Variants in MAP3K7 observed in about 807,000 individuals in gnomAD.
MAP3K7 encodes the protein TGF-beta activated kinase 1.
A neutral mutation model predicts 84.8 loss-of-function variants in MAP3K7; 21 were observed. The ratio of observed to expected loss-of-function variants is 0.25; its 90% confidence interval spans 0.18 to 0.36. The LOEUF (loss-of-function observed/expected upper bound fraction) is 0.36, where lower values mean the gene tolerates loss of function less well. MAP3K7 is among the 10% of genes least tolerant of loss of function. The pLI, the probability that MAP3K7 is intolerant of heterozygous loss-of-function variation, is 1.00. For synonymous variants in MAP3K7, 241 were observed against 247.7 expected, an observed-to-expected ratio of 0.97 and a Z score of 0.25; for missense variants, 503 against 747.7, an observed-to-expected ratio of 0.67 and a Z score of 3.82.
In MAP3K7 at chr6:90,515,841, C is replaced by T. The variant is rs2088555998; in HGVS notation, c.*660G>A. ...GAGTTCCATTTTGTTCAATGTATCA[C>T]AATCAAATTTTAGTCTAACAAAATC... On this transcript the variant is annotated 3_prime_UTR_variant, in exon 17 of 17. Transcript: ENST00000369329. 1 of 152,168 alleles carries T rather than the reference C, an allele frequency of 6.6e-6. No homozygotes were observed. The highest frequency in any genetic ancestry group is 2.4e-5 in the African/African-American group (1 of 41,356). 9.4% of individuals were successfully genotyped at this position (152,168 alleles called of 1,614,324 possible). A position where few individuals can be genotyped will look rare whatever the true frequency, so the allele number is the denominator to read the frequency against.
intron 1 of MAP3K7, among the ~76,000 whole-genome samples, chr6:90,581,454 C>G (rs1777269396): frequency 6.6e-6 from 1 of 152,130 alleles, no homozygotes; most frequent in African/African-American, 2.4e-5. Context: ...GTTAGAACTT[C>G]AATATCTATT....
At chr6:90,562,836 T>C (rs565934165) in intron 3 of MAP3K7, among the ~76,000 whole-genome samples, 3 of 152,168 alleles carry the variant, frequency 2.0e-5, no homozygotes, top group East Asian at 1.9e-4. Flanking sequence ...TAGGGGCAGA[T>C]TGACACCTCA....
chr6:90,548,450 A>C (rs1776073965), intron 9 of MAP3K7, among the ~76,000 whole-genome samples: 1 of 152,178 alleles, frequency 6.6e-6, no homozygotes, highest in Non-Finnish European at 1.5e-5. Context: ...GAGGGCTATT[A>C]ATTGAGATGC....
chr6:90,516,821 T>C, intron 16 of MAP3K7, 140 bp from the exon 17 acceptor site: 1 of 608,654 alleles, frequency 1.6e-6, no homozygotes, highest in Non-Finnish European at 2.8e-6. Context: ...AATATAATTA[T>C]GGGCTGGGAT....
chr6:90,535,954 G>C (rs997610750), intron 13 of MAP3K7, among the ~76,000 whole-genome samples: 1 of 152,034 alleles, frequency 6.6e-6, no homozygotes, highest in Non-Finnish European at 1.5e-5. Flanking sequence ...AACTTATTGG[G>C]GAAATGTTTA....
At chr6:90,572,865 GTTAGAATAAAATCA>G (rs942121931) in intron 1 of MAP3K7, among the ~76,000 whole-genome samples, 1 of 152,032 alleles carries the variant, frequency 6.6e-6, no homozygotes, top group Non-Finnish European at 1.5e-5. Context: ...TTTGATACTT[GTTAGAATAAAATCA>G]TTAGATTTTA....
intron 1 of MAP3K7, among the ~76,000 whole-genome samples, chr6:90,573,350 A>G (rs1404156315): frequency 6.6e-6 from 1 of 152,202 alleles, no homozygotes; most frequent in Non-Finnish European, 1.5e-5. Context: ...AAAGTTGACT[A>G]TAACTAGGTT....
intron 13 of MAP3K7, among the ~76,000 whole-genome samples, chr6:90,527,721 C>T (rs1775368308): frequency 6.6e-6 from 1 of 152,122 alleles, no homozygotes; most frequent in South Asian, 2.1e-4. Flanking sequence ...TGCTAATGTT[C>T]CATTCCTTAA....
chr6:90,531,673 C>T (rs1336021732), intron 13 of MAP3K7, among the ~76,000 whole-genome samples: 1 of 152,100 alleles, frequency 6.6e-6, no homozygotes, highest in Non-Finnish European at 1.5e-5. Context: ...CCAACAGAGG[C>T]CAGGCATAGT....
intron 3 of MAP3K7, among the ~76,000 whole-genome samples, chr6:90,567,713 G>C (rs1776756053): frequency 6.6e-6 from 1 of 152,170 alleles, no homozygotes; most frequent in African/African-American, 2.4e-5. Flanking sequence ...CCACTACTGG[G>C]TATATACCCA....
intron 13 of MAP3K7, among the ~76,000 whole-genome samples, chr6:90,526,521 A>C (rs1775327284): frequency 6.6e-6 from 1 of 152,114 alleles, no homozygotes; most frequent in Non-Finnish European, 1.5e-5. Flanking sequence ...TTTTAACGTG[A>C]ATCATGCTAA....
intron 4 of MAP3K7, among the ~76,000 whole-genome samples, chr6:90,560,592 C>G (rs1776479243): frequency 6.6e-6 from 1 of 152,126 alleles, no homozygotes; most frequent in Non-Finnish European, 1.5e-5. Flanking sequence ...GATCTCTTGA[C>G]CTCATGATCT....
At chr6:90,516,736 A>G in intron 16 of MAP3K7, 55 bp from the exon 17 acceptor site, 1 of 1,384,912 alleles carries the variant, frequency 7.2e-7, no homozygotes, top group Non-Finnish European at 9.9e-7. Context: ...ATACCTTAGT[A>G]GCTGATGATG....
chr6:90,581,381 G>A (rs749478029), intron 1 of MAP3K7, among the ~76,000 whole-genome samples: 4 of 152,046 alleles, frequency 2.6e-5, no homozygotes, highest in East Asian at 1.9e-4. Context: ...CTGGAAATGC[G>A]GAACAAGACA....
In MAP3K7 at chr6:90,516,708, CA is replaced by C. The variant is rs35190750; in HGVS notation, c.1641-28del. 568 of 1,550,704 alleles carry C rather than the reference CA, an allele frequency of 3.7e-4. 2 individuals are homozygous for C. The African/African-American group carries it at 5.8e-3, about 16-fold the overall frequency. ...TACAAACAAATACCACATAATATTA[CA>C]CATGATGGAAAAATTCATACCTTAG... On this transcript the variant is annotated intron_variant, in intron 16 of 16. Coordinates refer to ENST00000369329, the MANE Select transcript of MAP3K7 (RefSeq NM_145331.3).
At chr6:90,546,373 A>G (rs561422870) in intron 11 of MAP3K7, among the ~76,000 whole-genome samples, 32 of 152,326 alleles carry the variant, frequency 2.1e-4, no homozygotes, top group Admixed American at 1.0e-3. Context: ...GAATATATAC[A>G]TTTATACACA....
At chr6:90,575,134 A>T (rs1227470674) in intron 1 of MAP3K7, among the ~76,000 whole-genome samples, 1 of 152,208 alleles carries the variant, frequency 6.6e-6, no homozygotes, top group African/African-American at 2.4e-5. Context: ...ATGACTTCCC[A>T]TTTTTAAAAA....
At chr6:90,518,383 C>T in intron 16 of MAP3K7, 64 bp downstream of exon 16, 5 of 851,272 alleles carry the variant, frequency 5.9e-6, no homozygotes, top group Non-Finnish European at 9.2e-6. Flanking sequence ...TTCATTGCAC[C>T]TTATCATATT....
At chr6:90,568,497 TAC>T (rs1217848211) in intron 3 of MAP3K7, 59 bp downstream of exon 3, 127 of 1,376,274 alleles carry the variant, frequency 9.2e-5, no homozygotes, top group African/African-American at 2.5e-4. Flanking sequence ...CTACATAAAC[TAC>T]ACACACACAT....
Sources: allele counts gnomAD v4.1 joint callset (sites outside exome capture counted in the v4.1 genomes callset), GRCh38; gene constraint gnomAD v4.1.1; transcripts MANE v1.5; gene names NCBI Gene and HGNC (gene_info 2026-07-23, HGNC 2026-07-21).